HAS1: variants seen among roughly 807,000 people sequenced by gnomAD.
The protein encoded by HAS1 is hyaluronan synthase 1, also known as HA synthase 1.
Under a neutral mutation model 35.0 loss-of-function variants are expected in HAS1, and 27 were observed. The observed-to-expected ratio is 0.77, with a 90% CI of 0.57 to 1.06. The LOEUF is 1.06. Among genes scored for constraint, HAS1 ranks in the 50% least tolerant of loss-of-function variants. HAS1 has a pLI of 0.00. For synonymous variants in HAS1, 409 were observed against 371.2 expected, an observed-to-expected ratio of 1.10 and a Z score of -1.17; for missense variants, 940 against 814.8, an observed-to-expected ratio of 1.15 and a Z score of -1.87.
chr19:51,713,733 G>T lies in HAS1; in HGVS notation c.1428C>A (p.Phe476Leu), dbSNP rs753873532. 9 of 1,607,448 alleles carry T rather than the reference G, an allele frequency of 5.6e-6. No homozygotes were observed. The Admixed American group carries it at 1.5e-4, about 27-fold the overall frequency. The change falls in exon 5 of 5, where the codon TTC becomes TTA. Residue 476 changes from phenylalanine (F) to leucine (L), a missense_variant. Physicochemically the swap from Phe to Leu is conservative, Grantham distance 22. Coordinates refer to ENST00000540069, the MANE Select transcript of HAS1 (RefSeq NM_001297436.2). This position sits in a 1 kb window ranked among gnomAD's most constrained non-coding sequence, Gnocchi z 4.5. ...TCTGGTTCATGGTGACTAGCGCCAG[G>T]AACTTGGCAGGCAGGAGGCCACACA... ...LYMCGLLPAK[F>L]LALVTMNQSG... is the part of the protein sequence containing the mutation.
intron 2 of HAS1, 96 bp downstream of exon 2, chr19:51,719,110 A>C: frequency 1.4e-6 from 1 of 693,508 alleles, no homozygotes. Context: ...AAAGAAAGGG[A>C]GAGAGTCATT....
At position 51,716,521 on chromosome 19, in the gene HAS1, T is replaced by C. The variant is rs1447487168; in HGVS notation, c.926-133A>G. 6.9e-6 allele frequency: 5 copies of C among 725,836 alleles called. No individual in the cohort carries two copies. The East Asian group carries it at 1.4e-4, about 20-fold the overall frequency. 45.0% of individuals were successfully genotyped at this position (725,836 alleles called of 1,614,324 possible). A position where few individuals can be genotyped will look rare whatever the true frequency, so the allele number is the denominator to read the frequency against. On this transcript the variant is annotated intron_variant, in intron 3 of 4. Coordinates refer to ENST00000540069, the MANE Select transcript of HAS1 (RefSeq NM_001297436.2). ...GTCATCATAATCTCAATCTCAGCAC[T>C]ATCTCCAATCCCATCTCCAGCCCGA...
intron 1 of HAS1, among the ~76,000 whole-genome samples, chr19:51,722,758 C>T (rs1262981050): frequency 6.6e-6 from 1 of 152,102 alleles, no homozygotes; most frequent in African/African-American, 2.4e-5. Flanking sequence ...TCAAAAGAGA[C>T]CAGATGGCCC....
chr19:51,723,721 G>C (rs1568630154), intron 1 of HAS1, among the ~76,000 whole-genome samples: 1 of 151,996 alleles, frequency 6.6e-6, no homozygotes, highest in African/African-American at 2.4e-5. Flanking sequence ...CTCACACAGG[G>C]CAATGTATAC....
At position 51,716,436 on chromosome 19, in the gene HAS1, A is replaced by G. The variant is rs1430438728; in HGVS notation, c.926-48T>C. Reference sequence around the variant, plus strand: ...AGAGTGTCAGCCTCTGCTGTCACCAACACCAACTCCAATGCTGTTTCCAGC... The same window carrying G: ...AGAGTGTCAGCCTCTGCTGTCACCAGCACCAACTCCAATGCTGTTTCCAGC... On this transcript the variant is annotated intron_variant, in intron 3 of 4. Coordinates refer to ENST00000540069, the MANE Select transcript of HAS1 (RefSeq NM_001297436.2). 5 of 1,551,492 alleles carry G rather than the reference A, an allele frequency of 3.2e-6. No individual in the cohort carries two copies. In the East Asian group the frequency reaches 6.8e-5, roughly 21 times the overall value.
chr19:51,722,941 A>T (rs1399850717), intron 1 of HAS1, among the ~76,000 whole-genome samples: 1 of 152,222 alleles, frequency 6.6e-6, no homozygotes, highest in Non-Finnish European at 1.5e-5. Flanking sequence ...TTTTCGTTAC[A>T]TTTCTAGAGG....
At chr19:51,723,884 T>TACACACAC (rs58597876) in intron 1 of HAS1, 41 bp downstream of exon 1, 96,196 of 1,206,222 alleles carry the variant, frequency 0.08, 2,470 homozygotes, top group South Asian at 0.12. Context: ...CATGGCTGTA[T>TACACACAC]ACACACACAC....
At chr19:51,717,266 G>A in intron 2 of HAS1, 73 bp from the exon 3 acceptor site, 2 of 1,031,708 alleles carry the variant, frequency 1.9e-6, no homozygotes, top group Non-Finnish European at 1.5e-6. Flanking sequence ...AGGCATCAAG[G>A]GGTGCAATGC....
chr19:51,718,791 C>T (rs1325449751), intron 2 of HAS1, among the ~76,000 whole-genome samples: 1 of 152,144 alleles, frequency 6.6e-6, no homozygotes, highest in Non-Finnish European at 1.5e-5. Flanking sequence ...CCCACCTCAG[C>T]CTCTCAAAGT....
At chr19:51,720,364 C>T (rs1479640789) in intron 1 of HAS1, among the ~76,000 whole-genome samples, 1 of 152,144 alleles carries the variant, frequency 6.6e-6, no homozygotes, top group Non-Finnish European at 1.5e-5. Flanking sequence ...GACTTGCCTG[C>T]CCCGGCCTTC....
At position 51,713,512 on chromosome 19, in the gene HAS1, T is replaced by C. The variant is rs769683032; in HGVS notation, c.1649A>G (p.Tyr550Cys). ...LAAGAGAYVG[Y>C]WVAMLTLYWV... is the part of the protein sequence containing the mutation. ...GTACAGCGTCAACATGGCCACCCAG[T>C]AGCCCACGTAGGCGCCGGCCCCCGC... The change falls in exon 5 of 5, where the codon TAC becomes TGC. Residue 550 changes from tyrosine to cysteine, a missense_variant. Physicochemically the swap from Tyr to Cys is radical, Grantham distance 194 (BLOSUM62 -2). Transcript: ENST00000540069. The surrounding 1 kb of genome is among the most constrained non-coding windows in gnomAD (Gnocchi z 4.5). 39 of 1,605,942 alleles carry C rather than the reference T, an allele frequency of 2.4e-5. No individual in the cohort carries two copies. The highest frequency in any genetic ancestry group is 3.1e-5 in the Non-Finnish European group (37 of 1,176,972).
Position 51,713,703 on chromosome 19 carries a change from G to A in HAS1, c.1458C>T (p.Gly486=), listed in dbSNP as rs533621557. 1.9e-6 allele frequency: 3 copies of A among 1,604,710 alleles called. No homozygotes were observed. In the South Asian group the frequency reaches 3.3e-5, roughly 18 times the overall value. The change falls in exon 5 of 5, where the codon GGC becomes GGT. Residue 486 remains glycine (G), a synonymous_variant. Coordinates refer to ENST00000540069, the MANE Select transcript of HAS1 (RefSeq NM_001297436.2). This position sits in a 1 kb window ranked among gnomAD's most constrained non-coding sequence, Gnocchi z 4.5. ...FLALVTMNQS[G]WGTSGRRKLA... ...GCTTCCGCCGGCCCGAGGTGCCCCA[G>A]CCACTCTGGTTCATGGTGACTAGCG...
At chr19:51,716,604 G>T (rs755538094) in intron 3 of HAS1, among the ~76,000 whole-genome samples, 5 of 151,980 alleles carry the variant, frequency 3.3e-5, no homozygotes, top group Admixed American at 3.3e-4. Flanking sequence ...TATACCCACT[G>T]TGACTGCAAA....
chr19:51,715,099 G>T (rs2083578310), intron 4 of HAS1, among the ~76,000 whole-genome samples: 1 of 152,024 alleles, frequency 6.6e-6, no homozygotes, highest in South Asian at 2.1e-4. Flanking sequence ...GGAGAATCCT[G>T]GGCATTACTT....
Sources: gnomAD v4.1 joint callset for allele counts (sites outside exome capture counted in the v4.1 genomes callset) on GRCh38, gnomAD v4.1.1 for gene constraint, Gnocchi (gnomAD v3.1) non-coding constraint, MANE v1.5 for transcripts, NCBI Gene and HGNC (gene_info 2026-07-23, HGNC 2026-07-21) for gene names.